FHOD3: variants seen among roughly 807,000 people sequenced by gnomAD.
The protein encoded by FHOD3 is FH1/FH2 domain-containing protein 3.
In FHOD3, 90 loss-of-function variants were observed where a neutral mutation model predicts 173.0. The observed-to-expected ratio is 0.52, with a 90% CI of 0.44 to 0.62. The LOEUF (loss-of-function observed/expected upper bound fraction) is 0.62, where lower values mean the gene tolerates loss of function less well. Among genes scored for constraint, FHOD3 ranks in the 20% least tolerant of loss-of-function variants. The pLI is 0.00. For synonymous variants in FHOD3, 828 were observed against 823.0 expected (o/e 1.01, Z -0.10); for missense variants, 1,945 against 2,034.7 (o/e 0.96, Z 0.85).
chr18:36,460,425 G>C (rs1047711986), intron 3 of FHOD3, among the ~76,000 whole-genome samples: 1 of 152,162 alleles, frequency 6.6e-6, no homozygotes, highest in African/African-American at 2.4e-5. Context: ...TTTCAAGCAG[G>C]GGCTTGGTAA....
At chr18:36,711,889 C>G (rs1427990904) in intron 18 of FHOD3, among the ~76,000 whole-genome samples, 2 of 152,284 alleles carry the variant, frequency 1.3e-5, no homozygotes, top group Middle Eastern at 3.4e-3. Flanking sequence ...AAAAACCTGA[C>G]CCAGAGTCAA....
intron 5 of FHOD3, among the ~76,000 whole-genome samples, chr18:36,513,704 C>T (rs1459919324): frequency 6.6e-6 from 1 of 152,010 alleles, no homozygotes; most frequent in Non-Finnish European, 1.5e-5. Flanking sequence ...TCAGAGCCTT[C>T]ATCCCTCTTT....
chr18:36,410,762 G>A (rs971550884), intron 3 of FHOD3, among the ~76,000 whole-genome samples: 11 of 152,112 alleles, frequency 7.2e-5, no homozygotes, highest in African/African-American at 2.4e-4. Context: ...TAATGACATT[G>A]AGCATCTTCT....
At chr18:36,478,818 CT>C (rs1435688266) in intron 3 of FHOD3, among the ~76,000 whole-genome samples, 5 of 152,140 alleles carry the variant, frequency 3.3e-5, no homozygotes, top group African/African-American at 9.7e-5. Context: ...CTCTTGCTAC[CT>C]ACCCCAATCC....
In FHOD3 at chr18:36,507,849, A is replaced by G. The variant is rs1231740817; in HGVS notation, c.406-4589A>G. On this transcript the variant is annotated intron_variant, in intron 4 of 28. Transcript: ENST00000590592. Reference sequence around the variant, plus strand: ...GCTAGACTCTTCTTATGCCAGCAGAAGGCCATGCTCACACCACTCCTCCCC... The same window carrying G: ...GCTAGACTCTTCTTATGCCAGCAGAGGGCCATGCTCACACCACTCCTCCCC... Among the ~76,000 whole-genome samples the G allele has an allele frequency of 2.0e-5, 3 of 152,124 alleles. No homozygotes were observed. The East Asian group carries it at 5.8e-4, about 29-fold the overall frequency.
intron 1 of FHOD3, among the ~76,000 whole-genome samples, chr18:36,318,383 G>A (rs2044230891): frequency 6.6e-6 from 1 of 152,142 alleles, no homozygotes; most frequent in African/African-American, 2.4e-5. Flanking sequence ...CCATTTGTTT[G>A]TGTACTCTTT....
At chr18:36,423,288 T>A (rs1440295154) in intron 3 of FHOD3, among the ~76,000 whole-genome samples, 1 of 152,196 alleles carries the variant, frequency 6.6e-6, no homozygotes, top group East Asian at 1.9e-4. Flanking sequence ...AGGATCTCAT[T>A]GGAGATCAGA....
intron 3 of FHOD3, among the ~76,000 whole-genome samples, chr18:36,470,271 A>G (rs1245993517): frequency 2.0e-5 from 3 of 152,214 alleles, no homozygotes; most frequent in Non-Finnish European, 4.4e-5. Flanking sequence ...ATAGATGCCT[A>G]TCACACAGAA....
intron 1 of FHOD3, among the ~76,000 whole-genome samples, chr18:36,322,762 G>T (rs1023657302): frequency 1.3e-5 from 2 of 152,156 alleles, no homozygotes; most frequent in Non-Finnish European, 2.9e-5. Flanking sequence ...ATTCCTGGCT[G>T]CTTTGTGCTT....
chr18:36,344,723 C>T (rs1568149824), intron 1 of FHOD3, among the ~76,000 whole-genome samples: 2 of 152,206 alleles, frequency 1.3e-5, no homozygotes, highest in African/African-American at 2.4e-5. Flanking sequence ...TTTAAATTAA[C>T]AGTCTTTGAT....
At chr18:36,541,730 T>C (rs2057230198) in intron 5 of FHOD3, among the ~76,000 whole-genome samples, 1 of 152,176 alleles carries the variant, frequency 6.6e-6, no homozygotes, top group South Asian at 2.1e-4. Flanking sequence ...TCTGGGTCCA[T>C]GATTTCCTAT....
chr18:36,484,136 T>C (rs2054071920), intron 3 of FHOD3, among the ~76,000 whole-genome samples: 1 of 152,250 alleles, frequency 6.6e-6, no homozygotes, highest in African/African-American at 2.4e-5. Flanking sequence ...TGCTAGACTA[T>C]TTAAAAATCC....
intron 1 of FHOD3, among the ~76,000 whole-genome samples, chr18:36,301,863 ATTAC>A (rs1485785698): frequency 3.3e-5 from 5 of 152,238 alleles, no homozygotes; most frequent in African/African-American, 1.2e-4. Context: ...AATGACAATT[ATTAC>A]TTAATGATTT....
chr18:36,491,334 T>G (rs1462239461), intron 3 of FHOD3, among the ~76,000 whole-genome samples: 1 of 152,204 alleles, frequency 6.6e-6, no homozygotes, highest in Non-Finnish European at 1.5e-5. Flanking sequence ...CCCCTCAACC[T>G]TCTCCAATTT....
At chr18:36,315,958 C>T (rs774360420) in intron 1 of FHOD3, among the ~76,000 whole-genome samples, 5 of 152,030 alleles carry the variant, frequency 3.3e-5, no homozygotes, top group Admixed American at 1.3e-4. Flanking sequence ...CTGCACGCAC[C>T]GTTCTGTGGC....
intron 20 of FHOD3, among the ~76,000 whole-genome samples, chr18:36,738,029 T>C (rs2041726756): frequency 6.6e-6 from 1 of 152,224 alleles, no homozygotes; most frequent in Admixed American, 6.5e-5. Flanking sequence ...TGGTAACCAC[T>C]TATGTATTCC....
intron 14 of FHOD3, among the ~76,000 whole-genome samples, chr18:36,668,501 T>C (rs2037328635): frequency 6.6e-6 from 1 of 151,978 alleles, no homozygotes; most frequent in African/African-American, 2.4e-5. Context: ...ATACTGTTTT[T>C]CTGTTTGTTT....
intron 3 of FHOD3, among the ~76,000 whole-genome samples, chr18:36,465,633 A>G (rs1233994104): frequency 6.6e-6 from 1 of 152,142 alleles, no homozygotes; most frequent in East Asian, 1.9e-4. Context: ...GGTTCATCAG[A>G]CATTTGTGAG....
chr18:36,455,908 T>A (rs962469350), intron 3 of FHOD3, among the ~76,000 whole-genome samples: 1 of 152,182 alleles, frequency 6.6e-6, no homozygotes, highest in Non-Finnish European at 1.5e-5. Flanking sequence ...GGTGCCATGT[T>A]AATGGCTGGA....
Sources: allele counts gnomAD v4.1 joint callset (sites outside exome capture counted in the v4.1 genomes callset), GRCh38; gene constraint gnomAD v4.1.1; transcripts MANE v1.5; gene names NCBI Gene and HGNC (gene_info 2026-07-23, HGNC 2026-07-21).